Variants in SCFD1 observed in about 807,000 individuals in gnomAD.
The protein encoded by SCFD1 is sec1 family domain containing 1.
In SCFD1, 37 loss-of-function variants were observed where a neutral mutation model predicts 103.2. The ratio of observed to expected loss-of-function variants is 0.36; its 90% CI spans 0.28 to 0.47. SCFD1 has a LOEUF of 0.47. Among genes scored for constraint, SCFD1 ranks in the 20% least tolerant of loss-of-function variants. SCFD1 has a pLI of 1.00. For missense variants in SCFD1, 639 were observed against 761.2 expected (o/e 0.84, Z 1.89); for synonymous variants, 264 against 245.0 (o/e 1.08, Z -0.73).
chr14:30,640,202 A>G (rs1885130604), intron 6 of SCFD1, among the ~76,000 whole-genome samples: 1 of 152,170 alleles, frequency 6.6e-6, no homozygotes, highest in Non-Finnish European at 1.5e-5. Flanking sequence ...GATCTTGGAC[A>G]AGAACAAGTT....
intron 17 of SCFD1, among the ~76,000 whole-genome samples, chr14:30,704,320 T>C (rs1238605990): frequency 6.6e-6 from 1 of 152,068 alleles, no homozygotes; most frequent in Non-Finnish European, 1.5e-5. Flanking sequence ...ACTACAGGTG[T>C]GCACCACTGC....
At chr14:30,656,753 C>T (rs1409086972) in intron 10 of SCFD1, among the ~76,000 whole-genome samples, 1 of 151,824 alleles carries the variant, frequency 6.6e-6, no homozygotes, top group Non-Finnish European at 1.5e-5. Flanking sequence ...AAAAAAAAAT[C>T]AGGTTCCCAT....
At chr14:30,661,364 C>G (rs568978335) in intron 10 of SCFD1, among the ~76,000 whole-genome samples, 60 of 152,168 alleles carry the variant, frequency 3.9e-4, no homozygotes, top group Non-Finnish European at 7.1e-4. Context: ...ATTAAAACCA[C>G]ATATCATCAC....
chr14:30,693,900 T>G (rs1006900778), intron 14 of SCFD1, among the ~76,000 whole-genome samples: 1 of 152,190 alleles, frequency 6.6e-6, no homozygotes, highest in Non-Finnish European at 1.5e-5. Context: ...ATTTGATAAT[T>G]TTTATTTGCT....
intron 14 of SCFD1, among the ~76,000 whole-genome samples, chr14:30,694,537 GTGTGGTGACACATACC>G (rs906493621): frequency 2.6e-5 from 4 of 152,080 alleles, no homozygotes; most frequent in African/African-American, 9.6e-5. Flanking sequence ...AATTAGCCAG[GTGTGGTGACACATACC>G]TGTGGTCTCA....
chr14:30,721,998 A>G, intron 22 of SCFD1, 81 bp downstream of exon 22: 1 of 987,522 alleles, frequency 1.0e-6, no homozygotes, highest in Non-Finnish European at 1.6e-6. Context: ...TGTACCAAAC[A>G]TGGCTTTATG....
intron 6 of SCFD1, 26 bp downstream of exon 6, chr14:30,639,890 T>C: frequency 6.4e-7 from 1 of 1,563,664 alleles, no homozygotes. Flanking sequence ...AATGTTGCAA[T>C]TCTTTGTTAA....
At chr14:30,699,088 G>A (rs1890899013) in intron 15 of SCFD1, among the ~76,000 whole-genome samples, 1 of 152,132 alleles carries the variant, frequency 6.6e-6, no homozygotes, top group Non-Finnish European at 1.5e-5. Context: ...TATCAGTATT[G>A]TCCTAGGATT....
At chr14:30,681,456 A>G (rs1889474683) in intron 14 of SCFD1, among the ~76,000 whole-genome samples, 1 of 151,988 alleles carries the variant, frequency 6.6e-6, no homozygotes, top group Non-Finnish European at 1.5e-5. Context: ...GTCTGAATTT[A>G]AATATTTTTA....
chr14:30,707,283 C>G (rs1891534021), intron 18 of SCFD1, among the ~76,000 whole-genome samples: 1 of 152,148 alleles, frequency 6.6e-6, no homozygotes, highest in South Asian at 2.1e-4. Flanking sequence ...ATCTGTCCCA[C>G]AAAACATCTT....
chr14:30,709,335 T>C (rs1891700712), intron 19 of SCFD1, among the ~76,000 whole-genome samples: 1 of 152,204 alleles, frequency 6.6e-6, no homozygotes, highest in Non-Finnish European at 1.5e-5. Context: ...TCAGGCTCTC[T>C]TGCCCAGGCT....
At chr14:30,645,998 C>T (rs1353022176) in intron 7 of SCFD1, among the ~76,000 whole-genome samples, 2 of 151,778 alleles carry the variant, frequency 1.3e-5, no homozygotes, top group Non-Finnish European at 2.9e-5. Context: ...TTCTTCATTG[C>T]CTAATTTGTT....
intron 14 of SCFD1, 135 bp from the exon 15 acceptor site, chr14:30,694,638 T>G: frequency 2.3e-6 from 3 of 1,282,416 alleles, no homozygotes; most frequent in Non-Finnish European, 3.0e-6. Flanking sequence ...CTGGTACTTC[T>G]GAACTGTACT....
chr14:30,683,275 G>T (rs749575679), intron 14 of SCFD1: 23 of 983,340 alleles, frequency 2.3e-5, no homozygotes, highest in Non-Finnish European at 3.3e-5. Flanking sequence ...GTTACCCTGG[G>T]TGTCCACACT....
intron 23 of SCFD1, 146 bp downstream of exon 23, chr14:30,722,705 T>C: frequency 2.3e-6 from 1 of 437,930 alleles, no homozygotes; most frequent in Non-Finnish European, 4.0e-6. Context: ...TTTAAATGTT[T>C]ATTGTTTTCC....
intron 7 of SCFD1, chr14:30,644,124 C>A: frequency 5.5e-6 from 2 of 364,664 alleles, no homozygotes; most frequent in Admixed American, 3.4e-5. Context: ...TCTGTTAATT[C>A]CCTTAGAATA....
chr14:30,676,870 A>T (rs1360191203), intron 14 of SCFD1, among the ~76,000 whole-genome samples: 1 of 152,210 alleles, frequency 6.6e-6, no homozygotes, highest in African/African-American at 2.4e-5. Flanking sequence ...GTGAAAAATG[A>T]TTTATAAGAC....
At chr14:30,629,642 A>G (rs1476948160) in intron 2 of SCFD1, among the ~76,000 whole-genome samples, 1 of 150,616 alleles carries the variant, frequency 6.6e-6, no homozygotes, top group Non-Finnish European at 1.5e-5. Flanking sequence ...TAGTGGCGCA[A>G]TCTCAGCTCA....
chr14:30,663,742 A>G (rs1887656474), intron 10 of SCFD1, among the ~76,000 whole-genome samples: 1 of 152,218 alleles, frequency 6.6e-6, no homozygotes, highest in Non-Finnish European at 1.5e-5. Context: ...CATAATGCTT[A>G]AAAGCACTGC....
Sources: allele counts gnomAD v4.1 joint callset (sites outside exome capture counted in the v4.1 genomes callset), GRCh38; gene constraint gnomAD v4.1.1; transcripts MANE v1.5; gene names NCBI Gene and HGNC (gene_info 2026-07-23, HGNC 2026-07-21).